Variants in DEUP1 observed in about 807,000 individuals in gnomAD.
DEUP1 encodes deuterosome assembly protein 1, also known as coiled-coil domain containing 67.
DEUP1 carries 82 observed loss-of-function variants against 87.4 expected under a neutral mutation model. The observed-to-expected ratio is 0.94, with a 90% CI of 0.78 to 1.13. The LOEUF (loss-of-function observed/expected upper bound fraction) is 1.13. DEUP1 is among the 50% of genes most tolerant of loss of function. The pLI, the probability that DEUP1 is intolerant of heterozygous loss-of-function variation, is 0.00. For missense variants in DEUP1, 663 were observed against 681.5 expected (o/e 0.97, Z 0.30); for synonymous variants, 214 against 222.7 (o/e 0.96, Z 0.35).
intron 13 of DEUP1, among the ~76,000 whole-genome samples, chr11:93,429,115 A>C (rs1353687602): frequency 6.6e-6 from 1 of 152,160 alleles, no homozygotes; most frequent in East Asian, 1.9e-4. Context: ...TATTCTTGAT[A>C]TAAGCCCTTT....
At chr11:93,340,204 A>C (rs1943989796) in intron 2 of DEUP1, among the ~76,000 whole-genome samples, 1 of 152,042 alleles carries the variant, frequency 6.6e-6, no homozygotes, top group Admixed American at 6.5e-5. Context: ...GATTATGAGA[A>C]TAGAGAGTTA....
intron 3 of DEUP1, 109 bp from the exon 4 acceptor site, chr11:93,356,838 CT>C (rs1173784227): frequency 1.4e-6 from 1 of 706,924 alleles, no homozygotes; most frequent in African/African-American, 1.8e-5. Context: ...AATATTTACT[CT>C]TGGTTTGGTA....
At chr11:93,416,080 T>A (rs1051584692) in intron 13 of DEUP1, among the ~76,000 whole-genome samples, 1 of 152,168 alleles carries the variant, frequency 6.6e-6, no homozygotes, top group African/African-American at 2.4e-5. Flanking sequence ...CAAACTATTT[T>A]CCTGTAGGAG....
At chr11:93,379,656 T>G (rs996380647) in intron 7 of DEUP1, among the ~76,000 whole-genome samples, 2 of 152,130 alleles carry the variant, frequency 1.3e-5, no homozygotes, top group Non-Finnish European at 2.9e-5. Flanking sequence ...TGATATTATT[T>G]AATTAACTTA....
At chr11:93,375,569 T>C (rs1033406467) in intron 7 of DEUP1, among the ~76,000 whole-genome samples, 3 of 152,194 alleles carry the variant, frequency 2.0e-5, no homozygotes, top group African/African-American at 7.2e-5. Context: ...TAATTCTGTT[T>C]ATGAGGTGTA....
intron 9 of DEUP1, among the ~76,000 whole-genome samples, chr11:93,391,084 G>GA (rs61521758): frequency 0.37 from 45,765 of 122,210 alleles, 8,096 homozygotes; most frequent in African/African-American, 0.5. Flanking sequence ...TCTGTCTCAG[G>GA]AAAAAAAAAA....
intron 2 of DEUP1, among the ~76,000 whole-genome samples, chr11:93,333,314 G>T (rs1194883123): frequency 6.6e-6 from 1 of 152,152 alleles, no homozygotes; most frequent in Non-Finnish European, 1.5e-5. Flanking sequence ...TGGCAACTCT[G>T]CCATCTTCAT....
At chr11:93,382,919 T>A (rs1200107616) in intron 7 of DEUP1, among the ~76,000 whole-genome samples, 1 of 152,218 alleles carries the variant, frequency 6.6e-6, no homozygotes, top group Non-Finnish European at 1.5e-5. Context: ...AGTCACCAAT[T>A]TGAATCTTTT....
At chr11:93,379,770 T>C (rs1341210306) in intron 7 of DEUP1, among the ~76,000 whole-genome samples, 1 of 150,840 alleles carries the variant, frequency 6.6e-6, no homozygotes, top group Non-Finnish European at 1.5e-5. Flanking sequence ...CTGAGAAGGC[T>C]CTGTGGGTTG....
intron 13 of DEUP1, among the ~76,000 whole-genome samples, chr11:93,431,169 G>T (rs934268951): frequency 2.0e-5 from 3 of 151,968 alleles, no homozygotes; most frequent in Non-Finnish European, 4.4e-5. Flanking sequence ...AGAAAAGCAG[G>T]TAATGTGATA....
chr11:93,341,296 G>A (rs1317943610), intron 2 of DEUP1, among the ~76,000 whole-genome samples: 2 of 151,722 alleles, frequency 1.3e-5, no homozygotes, highest in African/African-American at 4.8e-5. Context: ...GCACACACCT[G>A]TAGTCCCAGT....
At chr11:93,394,277 GA>G (rs1946867098) in intron 9 of DEUP1, among the ~76,000 whole-genome samples, 181 bp from the exon 10 acceptor site, 1 of 152,048 alleles carries the variant, frequency 6.6e-6, no homozygotes, top group Admixed American at 6.5e-5. Context: ...GAATTGGAAG[GA>G]AAAAAGGTAA....
intron 4 of DEUP1, among the ~76,000 whole-genome samples, chr11:93,358,092 A>G (rs1488812922): frequency 2.0e-5 from 3 of 152,238 alleles, no homozygotes; most frequent in Non-Finnish European, 4.4e-5. Context: ...AATATAAATA[A>G]AGAGATCACA....
chr11:93,428,395 T>G (rs1024020984), intron 13 of DEUP1, among the ~76,000 whole-genome samples: 15 of 142,460 alleles, frequency 1.1e-4, no homozygotes, highest in Admixed American at 5.4e-4. Context: ...CATTGAACAA[T>G]GAGAATACAT....
At chr11:93,391,099 A>G (rs986974614) in intron 9 of DEUP1, among the ~76,000 whole-genome samples, 1 of 151,254 alleles carries the variant, frequency 6.6e-6, no homozygotes, top group African/African-American at 2.4e-5. Flanking sequence ...AAAAAAAAAA[A>G]GCTTCCAAGT....
At chr11:93,336,062 G>A (rs1369153004) in intron 2 of DEUP1, among the ~76,000 whole-genome samples, 2 of 152,152 alleles carry the variant, frequency 1.3e-5, no homozygotes, top group Non-Finnish European at 2.9e-5. Flanking sequence ...GCAGTGAGCC[G>A]AGATTGTGCC....
At chr11:93,433,045 A>G (rs532817667) in intron 13 of DEUP1, among the ~76,000 whole-genome samples, 1 of 152,238 alleles carries the variant, frequency 6.6e-6, no homozygotes, top group East Asian at 1.9e-4. Flanking sequence ...TGTCTCTCTG[A>G]TTCAGACCTA....
chr11:93,331,366 C>CT (rs35351033), intron 1 of DEUP1, among the ~76,000 whole-genome samples: 48,610 of 145,076 alleles, frequency 0.34, 8,197 homozygotes, highest in Non-Finnish European at 0.42. Context: ...CTGAGAAAAA[C>CT]TTTTTTTTTT....
chr11:93,410,152 A>T (rs2134425528), intron 12 of DEUP1, among the ~76,000 whole-genome samples: 1 of 152,272 alleles, frequency 6.6e-6, no homozygotes, highest in South Asian at 2.1e-4. Flanking sequence ...TATTAGAAGG[A>T]TATATTGTAG....
Sources: allele counts gnomAD v4.1 joint callset (sites outside exome capture counted in the v4.1 genomes callset), GRCh38; gene constraint gnomAD v4.1.1; transcripts MANE v1.5; gene names NCBI Gene and HGNC (gene_info 2026-07-23, HGNC 2026-07-21).